The following ANO3 variants were observed in gnomAD, a reference collection of about 807,000 sequenced individuals.
ANO3 encodes anoctamin 3.
Under a neutral mutation model 144.8 loss-of-function variants are expected in ANO3, and 99 were observed. The observed-to-expected ratio is 0.68, with a 90% CI of 0.58 to 0.81. ANO3 has a LOEUF of 0.81. Among genes scored for constraint, ANO3 ranks in the 30% least tolerant of loss-of-function variants. The probability of loss-of-function intolerance (pLI) is 0.00; values close to 1 mark genes in which losing one functional copy is unlikely to be tolerated. For missense variants in ANO3, 905 were observed against 1,202.2 expected (o/e 0.75, Z 3.66); for synonymous variants, 414 against 392.6 (o/e 1.05, Z -0.64).
intron 1 of ANO3, among the ~76,000 whole-genome samples, chr11:26,254,691 A>G (rs562168111): frequency 5.9e-5 from 9 of 152,282 alleles, no homozygotes; most frequent in African/African-American, 1.7e-4. Context: ...AATAACTCTT[A>G]ATAAAGAACA....
At chr11:26,190,104 T>A (rs1207990411) in intron 1 of ANO3, among the ~76,000 whole-genome samples, 1 of 152,174 alleles carries the variant, frequency 6.6e-6, no homozygotes, top group Non-Finnish European at 1.5e-5. Flanking sequence ...TTGTTTATCC[T>A]TCCTTATAAA....
intron 13 of ANO3, 35 bp downstream of exon 13, chr11:26,553,380 T>A: frequency 6.8e-7 from 1 of 1,461,014 alleles, no homozygotes. Flanking sequence ...CTCCCTGAGC[T>A]GTACTGAGAA....
At chr11:26,612,207 C>G (rs1343989065) in intron 17 of ANO3, among the ~76,000 whole-genome samples, 1 of 151,898 alleles carries the variant, frequency 6.6e-6, no homozygotes, top group East Asian at 1.9e-4. Flanking sequence ...TTGTTTACCT[C>G]TGTGGGTTGA....
intron 17 of ANO3, 107 bp from the exon 18 acceptor site, chr11:26,624,355 G>T: frequency 1.4e-6 from 1 of 718,598 alleles, no homozygotes; most frequent in Non-Finnish European, 2.3e-6. Context: ...AAAGTAAAAT[G>T]TAACCACTGT....
intron 18 of ANO3, among the ~76,000 whole-genome samples, 173 bp from the exon 19 acceptor site, chr11:26,634,031 T>C (rs192781536): frequency 1.3e-5 from 2 of 150,030 alleles, no homozygotes; most frequent in Non-Finnish European, 3.0e-5. Context: ...TGAGCCAAGA[T>C]TGTGCCACTG....
intron 1 of ANO3, among the ~76,000 whole-genome samples, chr11:26,322,190 T>C (rs573445887): frequency 2.6e-5 from 4 of 152,190 alleles, no homozygotes; most frequent in African/African-American, 9.6e-5. Flanking sequence ...TACTTGAATA[T>C]AATTGAAGAC....
chr11:26,595,481 T>G (rs1356860570), intron 14 of ANO3, among the ~76,000 whole-genome samples: 1 of 148,134 alleles, frequency 6.8e-6, no homozygotes, highest in Non-Finnish European at 1.5e-5. Flanking sequence ...TTTTTTTTTT[T>G]TTTTTTATTC....
At chr11:26,366,015 T>C (rs1856071152) in intron 1 of ANO3, among the ~76,000 whole-genome samples, 1 of 135,406 alleles carries the variant, frequency 7.4e-6, no homozygotes, top group African/African-American at 2.9e-5. Context: ...TTAATTATAC[T>C]TTAAGTTCTA....
In ANO3 at chr11:26,567,044, A is replaced by G. The variant is rs147213313; in HGVS notation, c.1447+7265A>G. ...AAAGTTTACAGTATCATCTTATTTG[A>G]TACTTACAACAATCCCTTGATGTGG... On this transcript the variant is annotated intron_variant, in intron 14 of 26. Transcript: ENST00000256737. 5.1e-4 allele frequency: 769 copies of G among 1,494,708 alleles called. 4 individuals carry two copies. In the African/African-American group the frequency reaches 9.4e-3, roughly 18 times the overall value. 92.6% of individuals were successfully genotyped at this position (1,494,708 alleles called of 1,614,324 possible). A position where few individuals can be genotyped will look rare whatever the true frequency, so the allele number is the denominator to read the frequency against.
At chr11:26,335,893 C>T (rs1054335627) in intron 1 of ANO3, among the ~76,000 whole-genome samples, 2 of 152,078 alleles carry the variant, frequency 1.3e-5, no homozygotes, top group Non-Finnish European at 2.9e-5. Context: ...AAGATATACA[C>T]AAATAGTTTT....
chr11:26,602,309 T>C (rs985036842), intron 17 of ANO3, among the ~76,000 whole-genome samples: 1 of 151,866 alleles, frequency 6.6e-6, no homozygotes, highest in Admixed American at 6.6e-5. Flanking sequence ...ATGTAAAGAG[T>C]ATGGATATGA....
chr11:26,298,700 C>T (rs973564476), intron 1 of ANO3, among the ~76,000 whole-genome samples: 22 of 152,076 alleles, frequency 1.4e-4, no homozygotes, highest in South Asian at 2.1e-4. Context: ...GCAATGGAGA[C>T]GGTGGCAAGA....
intron 1 of ANO3, among the ~76,000 whole-genome samples, chr11:26,239,944 AAG>A (rs1261740064): frequency 1.3e-5 from 2 of 152,152 alleles, no homozygotes; most frequent in African/African-American, 4.8e-5. Flanking sequence ...AGTGGAGGAG[AAG>A]AGAGTGGTAT....
At position 26,634,935 on chromosome 11, in the gene ANO3, C is replaced by G. The variant is rs76197575; in HGVS notation, c.1986-78C>G. On this transcript the variant is annotated intron_variant, in intron 19 of 26. Transcript: ENST00000256737. ...GAGCGTTTATGTCTACCCACACATG[C>G]ACTCGTTGTGATGCCTAAGTAGATG... The G allele has an allele frequency of 1.5e-3, 1,736 of 1,157,344 alleles. 26 individuals carry two copies. In the African/African-American group the frequency reaches 0.023, roughly 15 times the overall value. The allele number at this position is 1,157,344 out of a possible 1,614,324, so 71.7% of individuals were successfully genotyped here.
chr11:26,200,152 GA>G (rs1363689288), intron 1 of ANO3, among the ~76,000 whole-genome samples: 8 of 152,156 alleles, frequency 5.3e-5, no homozygotes, highest in Non-Finnish European at 1.0e-4. Flanking sequence ...ACAGAGCCGA[GA>G]TTGCTTTTAC....
chr11:26,443,080 A>G (rs189045946), intron 2 of ANO3, among the ~76,000 whole-genome samples: 143 of 152,064 alleles, frequency 9.4e-4, no homozygotes, highest in African/African-American at 3.4e-3. Flanking sequence ...TTATTTTTCA[A>G]TCCTTTTGTT....
chr11:26,291,667 A>C (rs1338018153), intron 1 of ANO3, among the ~76,000 whole-genome samples: 2 of 152,138 alleles, frequency 1.3e-5, no homozygotes, highest in Non-Finnish European at 2.9e-5. Flanking sequence ...TTCACTTATG[A>C]AGCTTAGTTT....
intron 1 of ANO3, among the ~76,000 whole-genome samples, chr11:26,236,471 T>C (rs989240702): frequency 1.3e-5 from 2 of 152,146 alleles, no homozygotes; most frequent in Non-Finnish European, 2.9e-5. Context: ...AAAAGAAATA[T>C]ATGTGTATTC....
At chr11:26,228,858 G>A (rs957406124) in intron 1 of ANO3, among the ~76,000 whole-genome samples, 3 of 152,136 alleles carry the variant, frequency 2.0e-5, no homozygotes, top group African/African-American at 4.8e-5. Context: ...GGTGGGAGAC[G>A]GTTGTGAATC....
Sources: gnomAD v4.1 joint callset for allele counts (sites outside exome capture counted in the v4.1 genomes callset) on GRCh38, gnomAD v4.1.1 for gene constraint, MANE v1.5 for transcripts, NCBI Gene and HGNC (gene_info 2026-07-23, HGNC 2026-07-21) for gene names.